Variants in GSK3B observed in about 807,000 individuals in gnomAD.
GSK3B encodes the protein glycogen synthase kinase 3 beta.
A neutral mutation model predicts 56.4 loss-of-function variants in GSK3B; 15 were observed. The ratio of observed to expected loss-of-function variants is 0.27; its 90% CI spans 0.18 to 0.41. GSK3B has a LOEUF of 0.41. Ranked by LOEUF, GSK3B falls within the 10% of genes least tolerant of loss-of-function variation. The probability of loss-of-function intolerance (pLI) is 1.00; values close to 1 mark genes in which losing one functional copy is unlikely to be tolerated. For synonymous variants in GSK3B, 181 were observed against 188.9 expected (o/e 0.96, Z 0.34); for missense variants, 300 against 513.4 (o/e 0.58, Z 4.02).
At position 119,822,443 on chromosome 3, in the gene GSK3B, A is replaced by G. The variant is rs565528731; in HGVS notation, c.*4345T>C. 170 of 221,270 alleles carry G rather than the reference A, an allele frequency of 7.7e-4. No individual in the cohort carries two copies. The highest frequency in any genetic ancestry group is 1.3e-3 in the Non-Finnish European group (140 of 110,688). 13.7% of individuals were successfully genotyped at this position (221,270 alleles called of 1,614,324 possible). On this transcript the variant is annotated 3_prime_UTR_variant, in exon 11 of 11. Coordinates refer to ENST00000264235, the MANE Select transcript of GSK3B (RefSeq NM_001146156.2). ...AGACAGATATAGTTAAGGAAAAAAA[A>G]ACTTAAAAATTAACACAAGGAAGTC... is the stretch of plus-strand genomic sequence containing the variant.
At chr3:119,876,682 G>T (rs2056318292) in intron 7 of GSK3B, among the ~76,000 whole-genome samples, 174 bp from the exon 8 acceptor site, 1 of 152,168 alleles carries the variant, frequency 6.6e-6, no homozygotes, top group African/African-American at 2.4e-5. Context: ...TCATGTGTTG[G>T]AAACTTAATA....
At chr3:119,941,529 G>T (rs1207164470) in intron 3 of GSK3B, among the ~76,000 whole-genome samples, 1 of 152,134 alleles carries the variant, frequency 6.6e-6, no homozygotes, top group Non-Finnish European at 1.5e-5. Context: ...AACGGCTGTT[G>T]TATCAGTTTC....
chr3:120,002,963 A>G (rs1044506762), intron 1 of GSK3B, among the ~76,000 whole-genome samples: 1 of 152,220 alleles, frequency 6.6e-6, no homozygotes, highest in Admixed American at 6.5e-5. Flanking sequence ...GCAAATAAAA[A>G]TGTTTAAAAC....
intron 7 of GSK3B, among the ~76,000 whole-genome samples, chr3:119,885,407 TG>T (rs2056425307): frequency 6.6e-6 from 1 of 152,102 alleles, no homozygotes; most frequent in African/African-American, 2.4e-5. Context: ...GCTCATGGAT[TG>T]GAAGAATCAG....
chr3:120,017,064 G>A (rs185922809), intron 1 of GSK3B, among the ~76,000 whole-genome samples: 2 of 152,236 alleles, frequency 1.3e-5, no homozygotes, highest in African/African-American at 2.4e-5. Flanking sequence ...TTAAAAACAC[G>A]CTTATCCGTT....
rs143371103 is a variant in GSK3B, at chr3:120,029,762, T to C, written c.89-27523A>G. 8.3e-4 allele frequency: 463 copies of C among 555,766 alleles called. 1 individual carries two copies. The highest frequency in any genetic ancestry group is 3.1e-3 in the African/African-American group (163 of 52,716). The allele number at this position is 555,766 out of a possible 1,614,324, so 34.4% of individuals were successfully genotyped here. On this transcript the variant is annotated intron_variant, in intron 1 of 10. Coordinates refer to ENST00000264235, the MANE Select transcript of GSK3B (RefSeq NM_001146156.2). ...GGGGAGCTCTCTTTGGAATATGGTA[T>C]GTTACTTATGGTCATTAACTGTTTT...
intron 2 of GSK3B, among the ~76,000 whole-genome samples, chr3:119,986,575 C>A (rs757592481): frequency 6.6e-6 from 1 of 151,656 alleles, no homozygotes; most frequent in Non-Finnish European, 1.5e-5. Context: ...AACAGACACA[C>A]GAAAAAATGC....
At chr3:119,936,939 T>C (rs1039180326) in intron 3 of GSK3B, among the ~76,000 whole-genome samples, 2 of 152,014 alleles carry the variant, frequency 1.3e-5, no homozygotes, top group African/African-American at 2.4e-5. Flanking sequence ...AGAGAACACA[T>C]TATTTTGCAC....
chr3:119,911,647 C>A (rs796273550), intron 6 of GSK3B, among the ~76,000 whole-genome samples: 17 of 152,330 alleles, frequency 1.1e-4, no homozygotes, highest in African/African-American at 4.1e-4. Flanking sequence ...AATGTAGCCA[C>A]CTTCATCGAT....
At chr3:119,829,220 T>C (rs1317919380) in intron 10 of GSK3B, among the ~76,000 whole-genome samples, 1 of 152,126 alleles carries the variant, frequency 6.6e-6, no homozygotes, top group Non-Finnish European at 1.5e-5. Flanking sequence ...CTTTCTCAGA[T>C]AAAATGTTCA....
intron 2 of GSK3B, among the ~76,000 whole-genome samples, chr3:119,966,389 A>C (rs572448714): frequency 1.3e-5 from 2 of 152,346 alleles, no homozygotes; most frequent in South Asian, 4.1e-4. Flanking sequence ...TAAGTATGAA[A>C]AAACTTAAAA....
At chr3:119,926,423 T>G (rs557751060) in intron 3 of GSK3B, among the ~76,000 whole-genome samples, 4 of 152,014 alleles carry the variant, frequency 2.6e-5, no homozygotes, top group African/African-American at 9.7e-5. Context: ...TCTTTAAAAT[T>G]TATCTGGATC....
intron 3 of GSK3B, among the ~76,000 whole-genome samples, chr3:119,928,475 G>A (rs927666434): frequency 6.6e-6 from 1 of 151,676 alleles, no homozygotes. Flanking sequence ...CATGGTGGCA[G>A]GTGCCTGTAG....
intron 1 of GSK3B, among the ~76,000 whole-genome samples, chr3:120,092,204 T>C (rs2058518278): frequency 6.6e-6 from 1 of 152,172 alleles, no homozygotes; most frequent in African/African-American, 2.4e-5. Flanking sequence ...ACTGGAACAT[T>C]AGATACTTAG....
chr3:119,952,143 G>A (rs1402811224), intron 2 of GSK3B, among the ~76,000 whole-genome samples: 1 of 152,008 alleles, frequency 6.6e-6, no homozygotes, highest in African/African-American at 2.4e-5. Context: ...AGAAATAATG[G>A]CTGAACATTC....
chr3:119,903,472 G>C (rs192192113), intron 7 of GSK3B, among the ~76,000 whole-genome samples: 172 of 150,142 alleles, frequency 1.1e-3, no homozygotes, highest in African/African-American at 4.1e-3. Context: ...ATTGATCACG[G>C]ACCATTTTGG....
chr3:120,028,493 G>GT (rs2057947871), intron 1 of GSK3B, among the ~76,000 whole-genome samples: 1 of 152,126 alleles, frequency 6.6e-6, no homozygotes, highest in African/African-American at 2.4e-5. Flanking sequence ...CCTTGTTTAC[G>GT]TAAGTCTCCA....
chr3:119,926,355 C>T (rs2056889361), intron 3 of GSK3B, among the ~76,000 whole-genome samples: 1 of 143,520 alleles, frequency 7.0e-6, no homozygotes, highest in Admixed American at 6.7e-5. Context: ...CACACACACA[C>T]CCCTATACCC....
At chr3:120,054,581 T>G (rs1436135675) in intron 1 of GSK3B, among the ~76,000 whole-genome samples, 1 of 152,200 alleles carries the variant, frequency 6.6e-6, no homozygotes, top group Non-Finnish European at 1.5e-5. Context: ...TTCTTTTTTA[T>G]GTTTTGCTTA....
Sources: gnomAD v4.1 joint callset for allele counts (sites outside exome capture counted in the v4.1 genomes callset) on GRCh38, gnomAD v4.1.1 for gene constraint, MANE v1.5 for transcripts, NCBI Gene and HGNC (gene_info 2026-07-23, HGNC 2026-07-21) for gene names.